LAMA1: variants seen among roughly 807,000 people sequenced by gnomAD.
LAMA1 encodes the protein laminin subunit alpha-1.
A neutral mutation model predicts 348.7 loss-of-function variants in LAMA1; 219 were observed. That is an observed-to-expected ratio of 0.63 (90% confidence interval 0.56 to 0.70). The LOEUF (loss-of-function observed/expected upper bound fraction) is 0.70. Among genes scored for constraint, LAMA1 ranks in the 30% least tolerant of loss-of-function variants. The probability of loss-of-function intolerance (pLI) is 0.00; values close to 1 mark genes in which losing one functional copy is unlikely to be tolerated. For missense variants in LAMA1, 3,744 were observed against 3,888.0 expected (o/e 0.96, Z 0.99); for synonymous variants, 1,487 against 1,491.0 (o/e 1.00, Z 0.06).
chr18:6,972,035 T>C lies in LAMA1; in HGVS notation c.6775-54A>G, dbSNP rs1047032730. On this transcript the variant is annotated intron_variant, in intron 47 of 62. Coordinates refer to ENST00000389658, the MANE Select transcript of LAMA1 (RefSeq NM_005559.4). Reference sequence around the variant, plus strand: ...CAATATATAAGCTGACCAAGCAAAATACATTCTCCAAGTGCACAAAACTTC... The same window carrying C: ...CAATATATAAGCTGACCAAGCAAAACACATTCTCCAAGTGCACAAAACTTC... 2.4e-5 allele frequency: 39 copies of C among 1,605,102 alleles called. No homozygotes were observed. The African/African-American group carries it at 4.8e-4, about 20-fold the overall frequency.
rs773536918 is a variant in LAMA1, at chr18:7,016,514, G to A, written c.2966C>T (p.Ala989Val). 1.2e-5 allele frequency: 19 copies of A among 1,614,082 alleles called. No homozygotes were observed. In the East Asian group the frequency reaches 4.2e-4, roughly 36 times the overall value. ...ACGTGTACAGCTACCATCCTGGTAG[G>A]CGTAGAAGCCATGGGCACACCTGTC... ...RCDRCAHGFY[A>V]YQDGSCTPCD... Residue 989 changes from alanine (A) to valine (V), a missense_variant, in exon 21 of 63, where the codon GCC becomes GTC. By Grantham distance (64) the Ala-to-Val change is moderately conservative. Coordinates refer to ENST00000389658, the MANE Select transcript of LAMA1 (RefSeq NM_005559.4).
At chr18:7,027,548 CA>C (rs35909377) in intron 16 of LAMA1, among the ~76,000 whole-genome samples, 1 of 140,984 alleles carries the variant, frequency 7.1e-6, no homozygotes, top group Admixed American at 6.9e-5. Flanking sequence ...ACAACAACAA[CA>C]AAAAAAAGCG....
intron 21 of LAMA1, 138 bp downstream of exon 21, chr18:7,016,352 GA>G: frequency 1.0e-6 from 1 of 959,820 alleles, no homozygotes; most frequent in Non-Finnish European, 1.6e-6. Context: ...CCAGAAACCA[GA>G]AAAAAGGTAT....
chr18:6,956,971 T>C, intron 55 of LAMA1: 1 of 591,832 alleles, frequency 1.7e-6, no homozygotes, highest in Non-Finnish European at 3.0e-6. Context: ...CTGCTTGCAA[T>C]GGCACCCAGC....
At chr18:6,997,622 C>T (rs566031002) in intron 33 of LAMA1, 120 bp downstream of exon 33, 4 of 1,053,838 alleles carry the variant, frequency 3.8e-6, no homozygotes, top group East Asian at 4.8e-5. Context: ...CCCGCAGGGG[C>T]TGATGGAAGT....
At chr18:7,087,585 T>C (rs1323638188) in intron 1 of LAMA1, among the ~76,000 whole-genome samples, 1 of 152,254 alleles carries the variant, frequency 6.6e-6, no homozygotes, top group Non-Finnish European at 1.5e-5. Flanking sequence ...ATTGAGTGTC[T>C]AACCTGTGTG....
At chr18:7,021,018 C>T (rs377587162) in intron 19 of LAMA1, among the ~76,000 whole-genome samples, 21 of 152,134 alleles carry the variant, frequency 1.4e-4, no homozygotes, top group African/African-American at 3.9e-4. Flanking sequence ...CCTATCAGCC[C>T]GAGACCTCCC....
intron 60 of LAMA1, 41 bp from the exon 61 acceptor site, chr18:6,947,337 C>T: frequency 6.2e-7 from 1 of 1,612,080 alleles, no homozygotes; most frequent in Admixed American, 1.7e-5. Flanking sequence ...GTGAGCGCTG[C>T]CAGGCCCAGG....
Position 7,013,798 on chromosome 18 carries a change from G to T in LAMA1, c.3363+17C>A. ...GAGCCAGAGACAGGATGAAAGAGGA[G>T]GATGGATGGTAAATACCTTGCAAGG... On this transcript the variant is annotated intron_variant, in intron 23 of 62. Transcript: ENST00000389658. 1 of 1,607,942 alleles carries T rather than the reference G, an allele frequency of 6.2e-7. No homozygotes were observed. Among genetic ancestry groups the T allele is most frequent in the Non-Finnish European group, 8.5e-7 (1 of 1,176,240 alleles).
Position 7,032,190 on chromosome 18 carries a change from G to GA in LAMA1, c.2164-15dup, listed in dbSNP as rs772870553. 6.4e-7 allele frequency: 1 copy of GA among 1,557,338 alleles called. No individual in the cohort carries two copies. The highest frequency in any genetic ancestry group is 2.2e-5 in the East Asian group (1 of 44,616). ...AGAGAGGCACGACTGCAAGAGAAGG[G>GA]AAAGTCATCCTCTTTCCACTACGTT... On this transcript the variant is annotated splice_polypyrimidine_tract_variant and intron_variant, in intron 15 of 62. Transcript: ENST00000389658.
intron 29 of LAMA1, among the ~76,000 whole-genome samples, chr18:7,004,631 C>T (rs775803376): frequency 1.3e-5 from 2 of 152,182 alleles, no homozygotes; most frequent in African/African-American, 4.8e-5. Flanking sequence ...GTATTACAGG[C>T]GTGAGCCACT....
At chr18:7,078,303 A>G (rs1321990504) in intron 3 of LAMA1, among the ~76,000 whole-genome samples, 14 of 150,978 alleles carry the variant, frequency 9.3e-5, no homozygotes, top group Admixed American at 9.2e-4. Context: ...AGTAGCTGGG[A>G]CTACAGGCGC....
intron 20 of LAMA1, 71 bp downstream of exon 20, chr18:7,017,207 C>G: frequency 8.4e-7 from 1 of 1,195,230 alleles, no homozygotes; most frequent in Non-Finnish European, 1.2e-6. Context: ...GGGGACTTAG[C>G]TCCTTCTGAG....
chr18:7,074,967 CAAAAAAAAAAAAA>C (rs773818069), intron 3 of LAMA1, among the ~76,000 whole-genome samples: 1,309 of 52,032 alleles, frequency 0.025, 30 homozygotes, highest in East Asian at 0.12. Flanking sequence ...TACATAGAGG[CAAAAAAAAAAAAA>C]AAAAAAAAAA....
chr18:7,095,744 C>T (rs1479175515), intron 1 of LAMA1, among the ~76,000 whole-genome samples: 1 of 152,222 alleles, frequency 6.6e-6, no homozygotes, highest in Non-Finnish European at 1.5e-5. Context: ...TGAGGTTTGA[C>T]TAAAGGTGAA....
chr18:7,098,582 C>G (rs2058274228), intron 1 of LAMA1, among the ~76,000 whole-genome samples: 2 of 151,270 alleles, frequency 1.3e-5, no homozygotes, highest in South Asian at 2.1e-4. Context: ...CCGGCCGCCC[C>G]GTCTGAGAAG....
At chr18:6,970,574 C>A (rs1420374790) in intron 48 of LAMA1, among the ~76,000 whole-genome samples, 1 of 151,978 alleles carries the variant, frequency 6.6e-6, no homozygotes, top group Non-Finnish European at 1.5e-5. Context: ...AGACTCCAAA[C>A]CCTATATTCT....
At chr18:7,059,198 G>C (rs186798553) in intron 3 of LAMA1, among the ~76,000 whole-genome samples, 3 of 152,268 alleles carry the variant, frequency 2.0e-5, no homozygotes, top group African/African-American at 7.2e-5. Flanking sequence ...CCAGTATATA[G>C]AATATTAAAC....
At chr18:6,969,540 C>G (rs2057648917) in intron 48 of LAMA1, among the ~76,000 whole-genome samples, 1 of 152,208 alleles carries the variant, frequency 6.6e-6, no homozygotes, top group African/African-American at 2.4e-5. Context: ...TATTAATACC[C>G]TACACCAAAC....
Sources: allele counts gnomAD v4.1 joint callset (sites outside exome capture counted in the v4.1 genomes callset), GRCh38; gene constraint gnomAD v4.1.1; transcripts MANE v1.5; gene names NCBI Gene and HGNC (gene_info 2026-07-23, HGNC 2026-07-21).